MACROD2: variants seen among roughly 807,000 people sequenced by gnomAD.
The protein encoded by MACROD2 is mono-ADP ribosylhydrolase 2, also known as ADP-ribose glycohydrolase MACROD2.
In MACROD2, 36 loss-of-function variants were observed where a neutral mutation model predicts 70.4. The ratio of observed to expected loss-of-function variants is 0.51; its 90% confidence interval spans 0.39 to 0.68. MACROD2 has a LOEUF of 0.68. Among genes scored for constraint, MACROD2 ranks in the 30% least tolerant of loss-of-function variants. The pLI, the probability that MACROD2 is intolerant of heterozygous loss-of-function variation, is 0.00. For synonymous variants in MACROD2, 172 were observed against 178.8 expected (o/e 0.96, Z 0.30); for missense variants, 496 against 538.4 (o/e 0.92, Z 0.78).
rs773953442 is a variant in MACROD2, at chr20:16,049,851, A to G, written c.1322A>G (p.Lys441Arg). 1.2e-6 allele frequency: 2 copies of G among 1,608,034 alleles called. No homozygotes were observed. The highest frequency in any genetic ancestry group is 2.7e-5 in the African/African-American group (2 of 74,644). Reference protein sequence around the residue: ...QLIAGAQDEAKEQRNGTK With the variant: ...QLIAGAQDEAREQRNGTK ...TCAGCAGGGGCACAAGATGAAGCGA[A>G]GGAACAAAGAAATGGAACTAAATGA... Residue 441 changes from lysine to arginine, a missense_variant, in exon 18 of 18, where the codon AAG becomes AGG. Lys to Arg is a conservative substitution (Grantham distance 26, BLOSUM62 2). Coordinates refer to ENST00000684519, the MANE Select transcript of MACROD2 (RefSeq NM_001351661.2).
intron 8 of MACROD2, among the ~76,000 whole-genome samples, chr20:15,672,535 C>T (rs2049995224): frequency 6.6e-6 from 1 of 152,258 alleles, no homozygotes; most frequent in South Asian, 2.1e-4. Flanking sequence ...CATACCCTTG[C>T]TCCCATTCTC....
At chr20:14,938,020 TTTC>T (rs2074356367) in intron 5 of MACROD2, among the ~76,000 whole-genome samples, 1 of 150,158 alleles carries the variant, frequency 6.7e-6, no homozygotes, top group African/African-American at 2.5e-5. Flanking sequence ...TTTTTTTTTT[TTTC>T]ATTCTTTTTT....
chr20:15,758,314 C>A lies in MACROD2; in HGVS notation c.646-104431C>A, dbSNP rs959285365. On this transcript the variant is annotated intron_variant, in intron 8 of 17. Transcript: ENST00000684519. ...AGTGTAGTGGCGGGATCTTGGCTCA[C>A]TGCAACCTCCGCCTTCTGGGTTCCA... Among the ~76,000 whole-genome samples the A allele has an allele frequency of 1.0e-3, 150 of 148,166 alleles. 1 individual carries two copies. The highest frequency in any genetic ancestry group is 1.1e-3 in the Admixed American group (16 of 14,692).
intron 8 of MACROD2, among the ~76,000 whole-genome samples, chr20:15,630,232 A>G (rs547655507): frequency 6.6e-6 from 1 of 152,360 alleles, no homozygotes; most frequent in South Asian, 2.1e-4. Flanking sequence ...AGGAAGCCAG[A>G]CAAGAGGGAT....
At chr20:14,044,401 C>T (rs2053437873) in intron 2 of MACROD2, among the ~76,000 whole-genome samples, 1 of 152,084 alleles carries the variant, frequency 6.6e-6, no homozygotes, top group Non-Finnish European at 1.5e-5. Context: ...ACAAAGCTTC[C>T]ACAGTGTGGA....
chr20:15,039,027 C>G (rs1429828432), intron 5 of MACROD2, among the ~76,000 whole-genome samples: 2 of 152,124 alleles, frequency 1.3e-5, no homozygotes, highest in Non-Finnish European at 2.9e-5. Context: ...GAGTCCATGG[C>G]TGACACCCCT....
intron 3 of MACROD2, among the ~76,000 whole-genome samples, chr20:14,172,192 C>G (rs1176200723): frequency 6.6e-6 from 1 of 151,400 alleles, no homozygotes; most frequent in South Asian, 2.1e-4. Flanking sequence ...CATGGAATAT[C>G]TTTTTCCACC....
At chr20:15,675,420 A>G (rs1403331811) in intron 8 of MACROD2, among the ~76,000 whole-genome samples, 3 of 152,204 alleles carry the variant, frequency 2.0e-5, no homozygotes, top group Non-Finnish European at 4.4e-5. Flanking sequence ...AGCCTCTAAC[A>G]TGTTTAATTA....
chr20:14,111,843 C>T (rs2054455143), intron 3 of MACROD2, among the ~76,000 whole-genome samples: 1 of 151,960 alleles, frequency 6.6e-6, no homozygotes, highest in Non-Finnish European at 1.5e-5. Flanking sequence ...ATCCAGCAAT[C>T]CCACTGTTGG....
intron 4 of MACROD2, among the ~76,000 whole-genome samples, chr20:14,563,426 T>C (rs6079491): frequency 0.7 from 106,161 of 151,870 alleles, 38,044 homozygotes; most frequent in East Asian, 0.93. Flanking sequence ...CACCACTACA[T>C]ATCTATTAGA....
chr20:14,828,514 C>A (rs977217867), intron 5 of MACROD2, among the ~76,000 whole-genome samples: 2 of 152,090 alleles, frequency 1.3e-5, no homozygotes, highest in Non-Finnish European at 2.9e-5. Flanking sequence ...CTCTGCAAGA[C>A]CCAAGAGACA....
At chr20:14,335,489 G>T (rs2122637359) in intron 3 of MACROD2, among the ~76,000 whole-genome samples, 1 of 152,226 alleles carries the variant, frequency 6.6e-6, no homozygotes, top group South Asian at 2.1e-4. Context: ...CTATTTTGCT[G>T]CCACATTTAG....
At chr20:14,221,730 C>T (rs551166442) in intron 3 of MACROD2, among the ~76,000 whole-genome samples, 26 of 152,258 alleles carry the variant, frequency 1.7e-4, no homozygotes, top group African/African-American at 5.5e-4. Flanking sequence ...TTGCAAACTA[C>T]GCATCCCACA....
chr20:14,166,394 G>A (rs1051057328), intron 3 of MACROD2, among the ~76,000 whole-genome samples: 29 of 151,964 alleles, frequency 1.9e-4, no homozygotes, highest in African/African-American at 6.8e-4. Flanking sequence ...TGCCCAAAAA[G>A]TGGGTTCTCA....
intron 8 of MACROD2, among the ~76,000 whole-genome samples, chr20:15,597,851 G>C (rs747155439): frequency 6.6e-6 from 1 of 152,228 alleles, no homozygotes; most frequent in Admixed American, 6.5e-5. Context: ...GGCTGAGGCA[G>C]GTGGATCACC....
At chr20:14,258,609 T>C (rs1331061578) in intron 3 of MACROD2, among the ~76,000 whole-genome samples, 1 of 152,198 alleles carries the variant, frequency 6.6e-6, no homozygotes, top group Non-Finnish European at 1.5e-5. Flanking sequence ...TTCTGGATAT[T>C]AGTCCTTTGT....
intron 7 of MACROD2, among the ~76,000 whole-genome samples, chr20:15,438,650 G>A (rs968574211): frequency 9.9e-5 from 15 of 152,090 alleles, no homozygotes; most frequent in African/African-American, 3.1e-4. Flanking sequence ...TTTGTGTCAG[G>A]ACAATTATCA....
intron 5 of MACROD2, among the ~76,000 whole-genome samples, chr20:14,866,007 G>T (rs998837000): frequency 6.6e-6 from 1 of 152,050 alleles, no homozygotes; most frequent in East Asian, 1.9e-4. Context: ...TCCAAAAATA[G>T]CTTCATAATG....
chr20:15,943,338 C>T (rs143774851), intron 12 of MACROD2, among the ~76,000 whole-genome samples: 65 of 152,186 alleles, frequency 4.3e-4, no homozygotes, highest in African/African-American at 1.4e-3. Context: ...GAATTCCTCT[C>T]GAGACTCTCC....
Sources: allele counts gnomAD v4.1 joint callset (sites outside exome capture counted in the v4.1 genomes callset), GRCh38; gene constraint gnomAD v4.1.1; transcripts MANE v1.5; gene names NCBI Gene and HGNC (gene_info 2026-07-23, HGNC 2026-07-21).